Variants in PPARGC1A observed in about 807,000 individuals in gnomAD.
PPARGC1A encodes peroxisome proliferator-activated receptor gamma coactivator 1-alpha.
In PPARGC1A, 25 loss-of-function variants were observed where a neutral mutation model predicts 88.7. The ratio of observed to expected loss-of-function variants is 0.28; its 90% CI spans 0.21 to 0.39. PPARGC1A has a LOEUF of 0.39. Among genes scored for constraint, PPARGC1A ranks in the 10% least tolerant of loss-of-function variants. The pLI is 1.00. For missense variants in PPARGC1A, 880 were observed against 968.7 expected, an observed-to-expected ratio of 0.91 and a Z score of 1.22; for synonymous variants, 363 against 355.6, an observed-to-expected ratio of 1.02 and a Z score of -0.24.
At chr4:24,108,868 T>C in the PPARGC1A span, among the ~76,000 whole-genome samples, 2 of 151,950 alleles carry the variant, frequency 1.3e-5, no homozygotes, top group African/African-American at 4.8e-5. Context: ...AAAAAAAGGA[T>C]GTGTTGAGAG....
the PPARGC1A span, among the ~76,000 whole-genome samples, chr4:24,262,951 G>A: frequency 4.6e-5 from 7 of 152,224 alleles, no homozygotes; most frequent in African/African-American, 1.2e-4. Context: ...AACACAGAGC[G>A]CTTCAATATC....
the PPARGC1A span, among the ~76,000 whole-genome samples, chr4:24,444,143 T>C: frequency 1.3e-5 from 2 of 152,162 alleles, no homozygotes; most frequent in Non-Finnish European, 2.9e-5. Context: ...GCGATTCTCC[T>C]GCCTCAGCCT....
At chr4:24,351,149 T>G in the PPARGC1A span, among the ~76,000 whole-genome samples, 1 of 151,864 alleles carries the variant, frequency 6.6e-6, no homozygotes, top group Non-Finnish European at 1.5e-5. Context: ...GAGAATGGCT[T>G]GAGCCCAGGA....
the PPARGC1A span, among the ~76,000 whole-genome samples, chr4:24,466,787 G>A: frequency 2.0e-5 from 3 of 148,658 alleles, no homozygotes; most frequent in Non-Finnish European, 4.4e-5. Flanking sequence ...TGTGGCGTGC[G>A]CCTGTTGTCC....
chr4:24,453,757 G>A, the PPARGC1A span, among the ~76,000 whole-genome samples: 1 of 151,784 alleles, frequency 6.6e-6, no homozygotes, highest in Non-Finnish European at 1.5e-5. Context: ...TCCAGCCTGG[G>A]CAACAAGAGT....
the PPARGC1A span, among the ~76,000 whole-genome samples, chr4:23,955,082 G>A: frequency 6.6e-6 from 1 of 152,040 alleles, no homozygotes; most frequent in Non-Finnish European, 1.5e-5. Context: ...TTCAATTGAA[G>A]AGATAACCAA....
the PPARGC1A span, among the ~76,000 whole-genome samples, chr4:24,103,635 G>A: frequency 2.0e-5 from 3 of 147,588 alleles, no homozygotes; most frequent in African/African-American, 5.0e-5. Flanking sequence ...AAAATGAACC[G>A]GAATTATAGC....
the PPARGC1A span, among the ~76,000 whole-genome samples, chr4:24,135,587 G>T: frequency 4.6e-5 from 7 of 152,234 alleles, no homozygotes; most frequent in East Asian, 1.4e-3. Flanking sequence ...CACTAGTAGA[G>T]TTTGACTCCC....
chr4:23,806,061 G>T lies in PPARGC1A; in HGVS notation c.2020-3716C>A, dbSNP rs566205324. Among the ~76,000 whole-genome samples, 4 of 152,250 alleles carry T rather than the reference G, an allele frequency of 2.6e-5. No individual in the cohort carries two copies. In the South Asian group the frequency reaches 8.3e-4, roughly 32 times the overall value. Reference sequence around the variant, plus strand: ...TACAGTAAAAAGAAGATATAACCTAGAGGGGAGAAACAGGAAACCGAAGGG... The same window carrying T: ...TACAGTAAAAAGAAGATATAACCTATAGGGGAGAAACAGGAAACCGAAGGG... On this transcript the variant is annotated intron_variant, in intron 10 of 12. Transcript: ENST00000264867.
chr4:24,205,935 G>A, the PPARGC1A span, among the ~76,000 whole-genome samples: 8,824 of 152,198 alleles, frequency 0.058, 324 homozygotes, highest in South Asian at 0.11. Flanking sequence ...TAGGTTTGGA[G>A]GAAGCAAACT....
At chr4:24,220,943 A>T in the PPARGC1A span, among the ~76,000 whole-genome samples, 3 of 152,298 alleles carry the variant, frequency 2.0e-5, no homozygotes, top group African/African-American at 7.2e-5. Context: ...TACTAAAAGA[A>T]ATAGCAAATC....
the PPARGC1A span, among the ~76,000 whole-genome samples, chr4:24,330,847 G>A: frequency 2.6e-5 from 4 of 152,084 alleles, no homozygotes; most frequent in Non-Finnish European, 4.4e-5. Flanking sequence ...TCTTTGGCAG[G>A]CAACTTTTTC....
the PPARGC1A span, among the ~76,000 whole-genome samples, chr4:24,306,610 GT>G: frequency 2.8e-4 from 42 of 152,296 alleles, 1 homozygote; most frequent in East Asian, 7.7e-3. Flanking sequence ...AATATTTTAG[GT>G]TTTGCAGGCT....
At chr4:23,859,122 C>T (rs1730748416) in intron 2 of PPARGC1A, among the ~76,000 whole-genome samples, 1 of 152,124 alleles carries the variant, frequency 6.6e-6, no homozygotes, top group South Asian at 2.1e-4. Flanking sequence ...ACTCTGTGGG[C>T]TTTCCAGGGA....
the PPARGC1A span, among the ~76,000 whole-genome samples, chr4:23,957,423 T>C: frequency 5.9e-5 from 9 of 152,212 alleles, no homozygotes; most frequent in African/African-American, 2.2e-4. Flanking sequence ...TCAAGAAATA[T>C]GATAGATGAA....
At chr4:24,322,388 C>T in the PPARGC1A span, among the ~76,000 whole-genome samples, 5 of 152,244 alleles carry the variant, frequency 3.3e-5, no homozygotes, top group Non-Finnish European at 7.3e-5. Context: ...AATGGTCAAA[C>T]TGCAGCTTTT....
chr4:24,228,447 C>T, the PPARGC1A span, among the ~76,000 whole-genome samples: 1 of 152,116 alleles, frequency 6.6e-6, no homozygotes, highest in Non-Finnish European at 1.5e-5. Flanking sequence ...AACATTGAGT[C>T]CTCATGGACA....
the PPARGC1A span, among the ~76,000 whole-genome samples, chr4:24,272,664 TG>T: frequency 1.3e-5 from 2 of 152,352 alleles, no homozygotes; most frequent in East Asian, 3.9e-4. Flanking sequence ...TCACACAAAG[TG>T]GGGAAGAACC....
chr4:24,440,477 C>A, the PPARGC1A span, among the ~76,000 whole-genome samples: 1 of 152,148 alleles, frequency 6.6e-6, no homozygotes, highest in Non-Finnish European at 1.5e-5. Flanking sequence ...TGCCTCCCAC[C>A]GACATATTTA....
Sources: gnomAD v4.1 joint callset for allele counts (sites outside exome capture counted in the v4.1 genomes callset) on GRCh38, gnomAD v4.1.1 for gene constraint, MANE v1.5 for transcripts, NCBI Gene and HGNC (gene_info 2026-07-23, HGNC 2026-07-21) for gene names.